Variants in CHRM3 observed in about 807,000 individuals in gnomAD.
CHRM3 encodes cholinergic receptor muscarinic 3, also known as muscarinic acetylcholine receptor M3.
In CHRM3, 11 loss-of-function variants were observed where a neutral mutation model predicts 41.8. The ratio of observed to expected loss-of-function variants is 0.26; its 90% CI spans 0.17 to 0.44. The LOEUF is 0.44. CHRM3 is among the 20% of genes least tolerant of loss of function. The pLI, the probability that CHRM3 is intolerant of heterozygous loss-of-function variation, is 1.00. For synonymous variants in CHRM3, 297 were observed against 301.4 expected, an observed-to-expected ratio of 0.99 and a Z score of 0.15; for missense variants, 571 against 745.4, an observed-to-expected ratio of 0.77 and a Z score of 2.72.
At chr1:239,552,452 CAT>C (rs1426525242) in intron 3 of CHRM3, among the ~76,000 whole-genome samples, 4 of 145,460 alleles carry the variant, frequency 2.7e-5, no homozygotes, top group African/African-American at 1.0e-4. Flanking sequence ...TGATATGTAT[CAT>C]ATTTTATATA....
rs893368035 is a variant in CHRM3, at chr1:239,831,946, C to A, written c.-20+4568C>A. 4.6e-5 allele frequency among the ~76,000 whole-genome samples: 7 copies of A among 152,330 alleles called. No individual in the cohort carries two copies. The East Asian group carries it at 1.3e-3, about 29-fold the overall frequency. ...CCAAAGGCAAACAGCCATTACCATGCTTTATGTGATGTGCTTTATCTGTGT... is the reference window on the plus strand; with the variant it reads ...CCAAAGGCAAACAGCCATTACCATGATTTATGTGATGTGCTTTATCTGTGT... On this transcript the variant is annotated intron_variant, in intron 6 of 6. Transcript: ENST00000676153.
chr1:239,904,337 G>A (rs1041964636), intron 6 of CHRM3, among the ~76,000 whole-genome samples: 3 of 152,188 alleles, frequency 2.0e-5, no homozygotes, highest in African/African-American at 4.8e-5. Flanking sequence ...GTATGGGGCC[G>A]AGAGCATTTA....
At chr1:239,444,896 G>T (rs973487692) in intron 1 of CHRM3, among the ~76,000 whole-genome samples, 2 of 152,116 alleles carry the variant, frequency 1.3e-5, no homozygotes, top group African/African-American at 4.8e-5. Context: ...TTACCCATAG[G>T]GGCGGAGATA....
At chr1:239,847,046 C>T (rs1484715458) in intron 6 of CHRM3, among the ~76,000 whole-genome samples, 1 of 152,164 alleles carries the variant, frequency 6.6e-6, no homozygotes, top group Non-Finnish European at 1.5e-5. Context: ...CCCAAAGCTC[C>T]TTCTGGTGTT....
intron 6 of CHRM3, among the ~76,000 whole-genome samples, chr1:239,839,435 G>T (rs1673597819): frequency 6.6e-6 from 1 of 152,078 alleles, no homozygotes. Flanking sequence ...TGCACTATGG[G>T]GTCTGTAAAT....
Position 239,457,261 on chromosome 1 carries a change from G to T in CHRM3, c.-520-35448G>T, listed in dbSNP as rs77402572. Among the ~76,000 whole-genome samples the T allele has an allele frequency of 3.0e-4, 45 of 152,244 alleles. No homozygotes were observed. The East Asian group carries it at 8.7e-3, about 29-fold the overall frequency. On this transcript the variant is annotated intron_variant, in intron 1 of 6. Transcript: ENST00000676153. ...AATAATAGAGTCAAGGGCTGAAAGTGAGGATTTAATGAAAGAACACATATA... is the reference window on the plus strand; with the variant it reads ...AATAATAGAGTCAAGGGCTGAAAGTTAGGATTTAATGAAAGAACACATATA...
At chr1:239,432,659 G>T (rs1157179473) in intron 1 of CHRM3, among the ~76,000 whole-genome samples, 1 of 152,108 alleles carries the variant, frequency 6.6e-6, no homozygotes, top group Non-Finnish European at 1.5e-5. Flanking sequence ...GTGATAATCA[G>T]CAAGATAAAG....
chr1:239,562,628 G>A (rs933914742), intron 3 of CHRM3, among the ~76,000 whole-genome samples: 2 of 151,974 alleles, frequency 1.3e-5, no homozygotes, highest in Non-Finnish European at 2.9e-5. Flanking sequence ...GGTGGCTCAC[G>A]CCCATAATCC....
At chr1:239,771,291 C>A (rs376737854) in intron 5 of CHRM3, among the ~76,000 whole-genome samples, 1 of 152,082 alleles carries the variant, frequency 6.6e-6, no homozygotes, top group Non-Finnish European at 1.5e-5. Flanking sequence ...AGCCTCCTTC[C>A]GTTTGCACCT....
chr1:239,777,474 G>A (rs1013393518), intron 5 of CHRM3, among the ~76,000 whole-genome samples: 4 of 152,190 alleles, frequency 2.6e-5, no homozygotes, highest in Non-Finnish European at 5.9e-5. Flanking sequence ...GCTATTTGGG[G>A]TGGTACTAAT....
At chr1:239,447,502 C>T in intron 1 of CHRM3, among the ~76,000 whole-genome samples, 1 of 152,006 alleles carries the variant, frequency 6.6e-6, no homozygotes, top group Admixed American at 6.6e-5. Flanking sequence ...AACAAAAATA[C>T]CTAGCAGACC....
chr1:239,635,149 G>C (rs1300967868), intron 4 of CHRM3, among the ~76,000 whole-genome samples: 1 of 152,062 alleles, frequency 6.6e-6, no homozygotes, highest in African/African-American at 2.4e-5. Flanking sequence ...TCATCATCTT[G>C]TCTTGCCTGG....
chr1:239,645,876 G>C (rs566364130), intron 4 of CHRM3, among the ~76,000 whole-genome samples: 2 of 152,264 alleles, frequency 1.3e-5, no homozygotes, highest in South Asian at 4.1e-4. Context: ...CTAAAAGAGA[G>C]TTTTTAACAT....
intron 1 of CHRM3, among the ~76,000 whole-genome samples, chr1:239,415,257 T>C (rs947948477): frequency 6.6e-6 from 1 of 152,038 alleles, no homozygotes; most frequent in Non-Finnish European, 1.5e-5. Flanking sequence ...CTGGCCAACA[T>C]GGTGAAACTC....
intron 6 of CHRM3, among the ~76,000 whole-genome samples, chr1:239,874,297 A>ATATCTATATCTATATACACAG (rs1553291908): frequency 3.3e-5 from 3 of 92,202 alleles, no homozygotes; most frequent in Non-Finnish European, 6.3e-5. Flanking sequence ...ATATATATAT[A>ATATCTATATCTATATACACAG]TATATATATA....
intron 5 of CHRM3, among the ~76,000 whole-genome samples, chr1:239,684,764 A>AAGAAAG (rs1173763124): frequency 6.9e-6 from 1 of 145,470 alleles, no homozygotes; most frequent in Non-Finnish European, 1.5e-5. Flanking sequence ...GAAAGAAAGA[A>AAGAAAG]AGAAAGAGAA....
intron 1 of CHRM3, among the ~76,000 whole-genome samples, chr1:239,451,149 G>A (rs895777896): frequency 2.6e-5 from 4 of 152,098 alleles, no homozygotes; most frequent in South Asian, 2.1e-4. Flanking sequence ...GCTTGAGCCC[G>A]GGGGTTGGAG....
chr1:239,406,193 G>A lies in CHRM3; in HGVS notation c.-521+18966G>A, dbSNP rs1660583993. Among the ~76,000 whole-genome samples the A allele has an allele frequency of 2.0e-5, 3 of 152,082 alleles. No homozygotes were observed. The South Asian group carries it at 6.2e-4, about 32-fold the overall frequency. On this transcript the variant is annotated intron_variant, in intron 1 of 6. Coordinates refer to ENST00000676153, the MANE Select transcript of CHRM3 (RefSeq NM_001375978.1). ...GCGTGAGCCACCGTGCCTGGCTGAAGTTCTTTTGAAGGTCACATGTATTTT... is the reference window on the plus strand; with the variant it reads ...GCGTGAGCCACCGTGCCTGGCTGAAATTCTTTTGAAGGTCACATGTATTTT...
At chr1:239,485,861 C>A (rs1292381351) in intron 1 of CHRM3, among the ~76,000 whole-genome samples, 1 of 152,202 alleles carries the variant, frequency 6.6e-6, no homozygotes, top group African/African-American at 2.4e-5. Context: ...CGGTGATCTG[C>A]CATACTCCTT....
Sources: allele counts gnomAD v4.1 joint callset (sites outside exome capture counted in the v4.1 genomes callset), GRCh38; gene constraint gnomAD v4.1.1; transcripts MANE v1.5; gene names NCBI Gene and HGNC (gene_info 2026-07-23, HGNC 2026-07-21).